The following SUGCT variants were observed in gnomAD, a reference collection of about 807,000 sequenced individuals.
SUGCT encodes the protein succinyl-CoA:glutarate-CoA transferase.
In SUGCT, 41 loss-of-function variants were observed where a neutral mutation model predicts 55.0. The observed-to-expected ratio is 0.74, with a 90% CI of 0.58 to 0.97. The LOEUF is 0.97. SUGCT is among the 50% of genes least tolerant of loss of function. SUGCT has a pLI of 0.00. For missense variants in SUGCT, 568 were observed against 547.8 expected, an observed-to-expected ratio of 1.04 and a Z score of -0.37; for synonymous variants, 187 against 200.4, an observed-to-expected ratio of 0.93 and a Z score of 0.56.
chr7:40,451,966 A>T (rs1464929981), intron 10 of SUGCT, among the ~76,000 whole-genome samples: 1 of 152,232 alleles, frequency 6.6e-6, no homozygotes, highest in Non-Finnish European at 1.5e-5. Flanking sequence ...AGTACACTCC[A>T]TCAGGAAAGA....
intron 13 of SUGCT, among the ~76,000 whole-genome samples, chr7:40,808,705 A>G (rs1791238933): frequency 6.6e-6 from 1 of 152,206 alleles, no homozygotes; most frequent in African/African-American, 2.4e-5. Flanking sequence ...ATACAAAAAT[A>G]TCTCTTGTGT....
At chr7:40,283,649 A>G (rs113896649) in intron 8 of SUGCT, among the ~76,000 whole-genome samples, 2 of 152,234 alleles carry the variant, frequency 1.3e-5, no homozygotes, top group African/African-American at 4.8e-5. Flanking sequence ...TAGAATTGCT[A>G]TTATCAGCAA....
chr7:40,688,567 G>T (rs2128647682), intron 12 of SUGCT, among the ~76,000 whole-genome samples: 1 of 151,950 alleles, frequency 6.6e-6, no homozygotes, highest in East Asian at 1.9e-4. Context: ...TTTAAAAGAA[G>T]ATAAGTTACA....
At chr7:40,586,088 T>C (rs1342598500) in intron 12 of SUGCT, among the ~76,000 whole-genome samples, 1 of 152,166 alleles carries the variant, frequency 6.6e-6, no homozygotes, top group Non-Finnish European at 1.5e-5. Flanking sequence ...TGGTTCAAGA[T>C]CCCCTAAAAG....
intron 9 of SUGCT, among the ~76,000 whole-genome samples, chr7:40,439,070 A>ATATGTGTGTGTGTGTG (rs1554338605): frequency 1.9e-5 from 1 of 52,480 alleles, no homozygotes; most frequent in African/African-American, 9.0e-5. Flanking sequence ...TGGTGTATAT[A>ATATGTGTGTGTGTGTG]TATATATATA....
chr7:40,809,547 A>ATATTG (rs1791295205), intron 13 of SUGCT, among the ~76,000 whole-genome samples: 1 of 152,290 alleles, frequency 6.6e-6, no homozygotes, highest in East Asian at 1.9e-4. Context: ...AAGAAGTACC[A>ATATTG]TACTAGGTTT....
chr7:41,000,532 C>T, the SUGCT span, among the ~76,000 whole-genome samples: 54 of 150,920 alleles, frequency 3.6e-4, no homozygotes, highest in Middle Eastern at 3.4e-3. Flanking sequence ...GGAGAACTCT[C>T]AAAATGAAGA....
intron 9 of SUGCT, among the ~76,000 whole-genome samples, chr7:40,367,234 G>T (rs1784033232): frequency 7.1e-6 from 1 of 140,060 alleles, no homozygotes; most frequent in African/African-American, 2.6e-5. Context: ...ATGGACACAG[G>T]AAGGGTAACA....
intron 12 of SUGCT, among the ~76,000 whole-genome samples, chr7:40,633,015 G>A (rs1799859607): frequency 6.6e-6 from 1 of 152,078 alleles, no homozygotes; most frequent in Non-Finnish European, 1.5e-5. Context: ...ACATATTTAT[G>A]GGAACACAAT....
At chr7:40,854,922 C>T (rs914816006) in intron 13 of SUGCT, among the ~76,000 whole-genome samples, 7 of 151,578 alleles carry the variant, frequency 4.6e-5, no homozygotes, top group African/African-American at 9.7e-5. Context: ...GCAGACAGCA[C>T]GAAACCCTGT....
At chr7:40,377,124 C>CT (rs1169562229) in intron 9 of SUGCT, among the ~76,000 whole-genome samples, 1 of 10,448 alleles carries the variant, frequency 9.6e-5, no homozygotes, top group Non-Finnish European at 9.8e-4. Flanking sequence ...AATTTTCAGC[C>CT]TTCCTCTTTC....
rs541608145 is a variant in SUGCT at position 40,678,646 on chromosome 7, A to T, written c.1090-70788A>T. Reference sequence around the variant, plus strand: ...GCAAAATTCCACTATAATAACATAGAATGAATGGTATGAATTGTTTTTCCA... The same window carrying T: ...GCAAAATTCCACTATAATAACATAGTATGAATGGTATGAATTGTTTTTCCA... On this transcript the variant is annotated intron_variant, in intron 12 of 13. Coordinates refer to ENST00000335693, the MANE Select transcript of SUGCT (RefSeq NM_001193313.2). Among the ~76,000 whole-genome samples, 14 of 152,342 alleles carry T rather than the reference A, an allele frequency of 9.2e-5. No homozygotes were observed. In the South Asian group the frequency reaches 2.9e-3, roughly 32 times the overall value.
the SUGCT span, among the ~76,000 whole-genome samples, chr7:41,022,943 T>G: frequency 6.6e-6 from 1 of 152,226 alleles, no homozygotes; most frequent in East Asian, 1.9e-4. Flanking sequence ...TCCAAACATC[T>G]GTCATGGCAG....
chr7:40,552,811 A>G lies in SUGCT; in HGVS notation c.1089+56425A>G, dbSNP rs1003798790. ...TGTTTCCTGAACCCATCATCGTTGTATTAATCAATTGGTTCAGGGATTTGA... is the reference window on the plus strand; with the variant it reads ...TGTTTCCTGAACCCATCATCGTTGTGTTAATCAATTGGTTCAGGGATTTGA... On this transcript the variant is annotated intron_variant, in intron 12 of 13. Transcript: ENST00000335693. Among the ~76,000 whole-genome samples, 187 of 109,632 alleles carry G rather than the reference A, an allele frequency of 1.7e-3. 1 individual carries two copies. The highest frequency in any genetic ancestry group is 6.5e-3 in the African/African-American group (183 of 28,052). The allele number at this position is 109,632 out of a possible 152,430, so 71.9% of individuals were successfully genotyped here.
intron 7 of SUGCT, among the ~76,000 whole-genome samples, chr7:40,245,997 G>T (rs1403508853): frequency 1.3e-5 from 2 of 151,856 alleles, no homozygotes; most frequent in Non-Finnish European, 2.9e-5. Context: ...ATCACGCTCA[G>T]CTAATTTTTG....
At chr7:40,733,120 C>T (rs529733079) in intron 12 of SUGCT, among the ~76,000 whole-genome samples, 2 of 152,298 alleles carry the variant, frequency 1.3e-5, no homozygotes, top group Non-Finnish European at 2.9e-5. Flanking sequence ...GCTGGGAACA[C>T]AGATGTGTCT....
the SUGCT span, among the ~76,000 whole-genome samples, chr7:40,920,275 G>C: frequency 6.6e-6 from 1 of 152,138 alleles, no homozygotes; most frequent in African/African-American, 2.4e-5. Flanking sequence ...TGGCATATAT[G>C]ATGCCCATGA....
intron 9 of SUGCT, among the ~76,000 whole-genome samples, chr7:40,442,741 A>T (rs1788583958): frequency 6.6e-6 from 1 of 152,154 alleles, no homozygotes; most frequent in Non-Finnish European, 1.5e-5. Context: ...TAAAAATTAT[A>T]CTTTAAGTTC....
chr7:40,725,053 G>A lies in SUGCT; in HGVS notation c.1090-24381G>A, dbSNP rs943780577. Among the ~76,000 whole-genome samples the A allele has an allele frequency of 5.3e-5, 8 of 152,262 alleles. No homozygotes were observed. The East Asian group carries it at 1.4e-3, about 26-fold the overall frequency. ...AGTGCTTGCTGAGACAGGAGCTGTCGTGGGGCTCTTTTCAGATCCTGTTCC... is the reference window on the plus strand; with the variant it reads ...AGTGCTTGCTGAGACAGGAGCTGTCATGGGGCTCTTTTCAGATCCTGTTCC... On this transcript the variant is annotated intron_variant, in intron 12 of 13. Coordinates refer to ENST00000335693, the MANE Select transcript of SUGCT (RefSeq NM_001193313.2).
Sources: allele counts gnomAD v4.1 joint callset (sites outside exome capture counted in the v4.1 genomes callset), GRCh38; gene constraint gnomAD v4.1.1; transcripts MANE v1.5; gene names NCBI Gene and HGNC (gene_info 2026-07-23, HGNC 2026-07-21).